ADGRB2: variants seen among roughly 807,000 people sequenced by gnomAD.
The protein encoded by ADGRB2 is adhesion G protein-coupled receptor B2.
In ADGRB2, 47 loss-of-function variants were observed where a neutral mutation model predicts 178.7. The observed-to-expected ratio is 0.26, with a 90% CI of 0.21 to 0.34. The LOEUF (loss-of-function observed/expected upper bound fraction) is 0.34, where lower values mean the gene tolerates loss of function less well. Among genes scored for constraint, ADGRB2 ranks in the 10% least tolerant of loss-of-function variants. The pLI is 1.00. For synonymous variants in ADGRB2, 870 were observed against 912.4 expected (o/e 0.95, Z 0.84); for missense variants, 1,584 against 2,180.8 (o/e 0.73, Z 5.45).
intron 4 of ADGRB2, among the ~76,000 whole-genome samples, chr1:31,751,190 C>T (rs570972673): frequency 9.8e-5 from 15 of 152,366 alleles, no homozygotes; most frequent in East Asian, 5.8e-4. Context: ...CACACCTCCA[C>T]GCCCTTGCAC....
intron 4 of ADGRB2, among the ~76,000 whole-genome samples, chr1:31,752,481 C>T (rs557803515): frequency 1.3e-5 from 2 of 152,140 alleles, no homozygotes; most frequent in South Asian, 2.1e-4. Context: ...CCAGGATGGC[C>T]GAGAGAGCAG....
At chr1:31,750,880 C>G (rs937820578) in intron 4 of ADGRB2, among the ~76,000 whole-genome samples, 4 of 149,214 alleles carry the variant, frequency 2.7e-5, no homozygotes, top group African/African-American at 1.0e-4. Context: ...TGCCAGACCG[C>G]CCCCCCCAAT....
chr1:31,745,176 C>T (rs1228562433), intron 4 of ADGRB2, among the ~76,000 whole-genome samples: 2 of 152,206 alleles, frequency 1.3e-5, no homozygotes, highest in African/African-American at 2.4e-5. Context: ...GCTGCATTTG[C>T]TCCTCCATTG....
intron 4 of ADGRB2, among the ~76,000 whole-genome samples, chr1:31,752,080 G>T (rs1292602560): frequency 2.0e-5 from 3 of 152,140 alleles, no homozygotes; most frequent in Admixed American, 2.0e-4. Context: ...AACTGAACCC[G>T]GACTGGGCGA....
chr1:31,745,571 C>T (rs560291465), intron 4 of ADGRB2, among the ~76,000 whole-genome samples: 12 of 152,216 alleles, frequency 7.9e-5, no homozygotes, highest in Non-Finnish European at 1.6e-4. Context: ...GGCCCTCTCC[C>T]ACAATGGGGT....
Position 31,759,292 on chromosome 1 carries a change from T to TGCA in ADGRB2, c.-190-1784_-190-1782dup. On this transcript the variant is annotated intron_variant, in intron 1 of 32. Coordinates refer to ENST00000373658, the MANE Select transcript of ADGRB2 (RefSeq NM_001364857.2). This position sits in a 1 kb window ranked among gnomAD's most constrained non-coding sequence, Gnocchi z 4.3. ...TTACACTTGTACACATGCACAGAGG[T>TGCA]GCACACGCATTCTCGACTGAGAACA... The TGCA allele has an allele frequency of 1.3e-6, 1 of 779,594 alleles. No homozygotes were observed. The highest frequency in any genetic ancestry group is 2.4e-6 in the Non-Finnish European group (1 of 417,924). The allele number at this position is 779,594 out of a possible 1,614,324, so 48.3% of individuals were successfully genotyped here. A position where few individuals can be genotyped will look rare whatever the true frequency, so the allele number is the denominator to read the frequency against.
rs573224211 is a variant in ADGRB2, at chr1:31,739,700, G to A, written c.2168-65C>T. The A allele has an allele frequency of 3.3e-5, 49 of 1,503,724 alleles. No individual in the cohort carries two copies. In the South Asian group the frequency reaches 5.3e-4, roughly 16 times the overall value. 93.1% of individuals were successfully genotyped at this position (1,503,724 alleles called of 1,614,324 possible). A position where few individuals can be genotyped will look rare whatever the true frequency, so the allele number is the denominator to read the frequency against. Reference sequence around the variant, plus strand: ...CAGAAACAAAGGGTGGCAGACCAGGGGAAGAGACAGATGTAGGGGAAACAC... The same window carrying A: ...CAGAAACAAAGGGTGGCAGACCAGGAGAAGAGACAGATGTAGGGGAAACAC... On this transcript the variant is annotated intron_variant, in intron 14 of 32. Transcript: ENST00000373658.
In ADGRB2 at chr1:31,727,610, G is replaced by A; in HGVS notation, c.4573-5C>T. On this transcript the variant is annotated splice_region_variant and splice_polypyrimidine_tract_variant and intron_variant, in intron 32 of 32. Coordinates refer to ENST00000373658, the MANE Select transcript of ADGRB2 (RefSeq NM_001364857.2). This position sits in a 1 kb window ranked among gnomAD's most constrained non-coding sequence, Gnocchi z 4.4. ...CTCCCCAGGGCTGGGCTTATCCTGT[G>A]GAGGGAGCGGGAGGGGCCGTGGAGA... is the stretch of plus-strand genomic sequence containing the variant. The A allele has an allele frequency of 6.7e-7, 1 of 1,503,184 alleles. No homozygotes were observed. The highest frequency in any genetic ancestry group is 8.8e-7 in the Non-Finnish European group (1 of 1,132,722). 93.1% of individuals were successfully genotyped at this position (1,503,184 alleles called of 1,614,324 possible).
In ADGRB2 at chr1:31,731,300, T is replaced by G. The variant is rs749596296; in HGVS notation, c.3880A>C (p.Ser1294Arg). 1 of 1,612,334 alleles carries G rather than the reference T, an allele frequency of 6.2e-7. No homozygotes were observed. The highest frequency in any genetic ancestry group is 8.5e-7 in the Non-Finnish European group (1 of 1,179,684). The stretch of plus-strand genomic sequence containing the variant: ...ATATTCCCAGGCAGTGGTGAGAAGC[T>G]GAGGCTGCCCTCAGGGCCCACGAGG... ...SCLVGPEGSL[S>R]FSPLPGNILV... Residue 1294 changes from serine to arginine, a missense_variant, in exon 29 of 33, where the codon AGC becomes CGC. Physicochemically the swap from Ser to Arg is moderately radical, Grantham distance 110. This residue lies in a region of ADGRB2 where 865 missense variants were observed against 1,192.8 expected (regional missense o/e 0.73). Transcript: ENST00000373658.
intron 20 of ADGRB2, 100 bp downstream of exon 20, chr1:31,737,329 C>T (rs1645669895): frequency 2.7e-6 from 3 of 1,123,834 alleles, no homozygotes; most frequent in Admixed American, 1.9e-5. Context: ...ACACATACAC[C>T]ACCACTAATG....
chr1:31,763,620 G>A (rs1300282139), intron 1 of ADGRB2, among the ~76,000 whole-genome samples: 1 of 148,612 alleles, frequency 6.7e-6, no homozygotes, highest in Admixed American at 6.7e-5. Flanking sequence ...AGCATAGATG[G>A]GTAAGAGGGT....
Position 31,764,078 on chromosome 1 carries a change from CG to C in ADGRB2, c.-386del. ...CGCGGAGCAGCGCGGGGCGGGCGGG[CG>C]GGCGGCGCCGGGCCGGGCGCGGGCT... On this transcript the variant is annotated 5_prime_UTR_variant, in exon 1 of 33. Transcript: ENST00000373658. This position sits in a 1 kb window ranked among gnomAD's most constrained non-coding sequence, Gnocchi z 7.3. 3.1e-4 allele frequency: 23 copies of C among 74,782 alleles called. No individual in the cohort carries two copies. The highest frequency in any genetic ancestry group is 6.1e-4 in the Non-Finnish European group (23 of 37,682). The allele number at this position is 74,782 out of a possible 1,614,324, so 4.6% of individuals were successfully genotyped here. A position where few individuals can be genotyped will look rare whatever the true frequency, so the allele number is the denominator to read the frequency against.
Position 31,728,342 on chromosome 1 carries a change from A to G in ADGRB2, c.4417-62T>C. On this transcript the variant is annotated intron_variant, in intron 30 of 32. Coordinates refer to ENST00000373658, the MANE Select transcript of ADGRB2 (RefSeq NM_001364857.2). The surrounding 1 kb of genome is among the most constrained non-coding windows in gnomAD (Gnocchi z 6.7). ...GGCAGCACCATGATCCCCCCTACCCAGGGCACTCAGCACCCCAAGCCCCCC... is the reference window on the plus strand; with the variant it reads ...GGCAGCACCATGATCCCCCCTACCCGGGGCACTCAGCACCCCAAGCCCCCC... 1 of 1,537,700 alleles carries G rather than the reference A, an allele frequency of 6.5e-7. No homozygotes were observed. Among genetic ancestry groups the G allele is most frequent in the Non-Finnish European group, 8.9e-7 (1 of 1,121,636 alleles).
In ADGRB2 at chr1:31,736,348, C is replaced by T. The variant is rs1210432001; in HGVS notation, c.3173G>A (p.Arg1058Gln). Residue 1058 changes from arginine (R) to glutamine (Q), a missense_variant, in exon 22 of 33, where the codon CGA (arginine) becomes CAA (glutamine). Arg to Gln is a conservative substitution (Grantham distance 43). This residue lies in a region of ADGRB2 where 865 missense variants were observed against 1,192.8 expected (regional missense o/e 0.73). Coordinates refer to ENST00000373658, the MANE Select transcript of ADGRB2 (RefSeq NM_001364857.2). ...GCTGGATGTACCGTATCCTTTCGTT[C>T]GGGTAAAGCCAACAGACACGGCCAC... ...LVVAVSVGFT[R>Q]TKGYGTSSYC... The T allele has an allele frequency of 3.1e-6, 5 of 1,613,970 alleles. No homozygotes were observed. The African/African-American group carries it at 4.0e-5, about 13-fold the overall frequency.
intron 1 of ADGRB2, 141 bp from the exon 2 acceptor site, chr1:31,757,652 A>C: frequency 4.6e-6 from 1 of 218,084 alleles, no homozygotes; most frequent in Non-Finnish European, 9.3e-6. Context: ...TCCCCCTCTT[A>C]CTTCCCTCTT....
intron 6 of ADGRB2, 31 bp from the exon 7 acceptor site, chr1:31,743,033 C>T (rs760999570): frequency 6.5e-6 from 9 of 1,379,570 alleles, no homozygotes; most frequent in Admixed American, 6.3e-5. Flanking sequence ...GGTGGCTGGG[C>T]GGCACCATGG....
chr1:31,764,169 C>A lies in ADGRB2; in HGVS notation c.-476G>T, dbSNP rs1179276245. 2 of 539,392 alleles carry A rather than the reference C, an allele frequency of 3.7e-6. No homozygotes were observed. The highest frequency in any genetic ancestry group is 7.6e-5 in the South Asian group (1 of 13,206). The allele number at this position is 539,392 out of a possible 1,614,324, so 33.4% of individuals were successfully genotyped here. ...CCCCCGCTCCCCCGCTCCCCCGCCCCGAGCACCGCCCGCGCCGCGCGCCGC... is the reference window on the plus strand; with the variant it reads ...CCCCCGCTCCCCCGCTCCCCCGCCCAGAGCACCGCCCGCGCCGCGCGCCGC... On this transcript the variant is annotated 5_prime_UTR_variant, in exon 1 of 33. Transcript: ENST00000373658. This position sits in a 1 kb window ranked among gnomAD's most constrained non-coding sequence, Gnocchi z 7.3.
chr1:31,741,419 C>T lies in ADGRB2; in HGVS notation c.1748G>A (p.Ser583Asn). 6.2e-7 allele frequency: 1 copy of T among 1,607,350 alleles called. No individual in the cohort carries two copies. Among genetic ancestry groups the T allele is most frequent in the Non-Finnish European group, 8.5e-7 (1 of 1,177,188 alleles). Residue 583 changes from serine (S) to asparagine (N), a missense_variant, in exon 11 of 33, where the codon AGC becomes AAC. Coordinates refer to ENST00000373658, the MANE Select transcript of ADGRB2 (RefSeq NM_001364857.2). This position sits in a 1 kb window ranked among gnomAD's most constrained non-coding sequence, Gnocchi z 6.5. ...CTCATGGGAGATGCAGCGAGCAAAG[C>T]TGGGCAGCCCCCAGTACGCCACGCC... ...AQGVAYWGLPSFARCISHEYR... is the reference protein window; with the variant it reads ...AQGVAYWGLPNFARCISHEYR...
chr1:31,745,439 G>A (rs1341481966), intron 4 of ADGRB2, among the ~76,000 whole-genome samples: 1 of 152,186 alleles, frequency 6.6e-6, no homozygotes, highest in East Asian at 1.9e-4. Context: ...CTTGACCCTG[G>A]CCCCACCAGG....
Sources: allele counts gnomAD v4.1 joint callset (sites outside exome capture counted in the v4.1 genomes callset), GRCh38; gene constraint gnomAD v4.1.1; regional missense constraint gnomAD v4.1.1; non-coding constraint Gnocchi (gnomAD v3.1); transcripts MANE v1.5; gene names NCBI Gene and HGNC (gene_info 2026-07-23, HGNC 2026-07-21).